The following PHACTR2 variants were observed in gnomAD, a reference collection of about 807,000 sequenced individuals.
PHACTR2 encodes chromosome 6 open reading frame 56.
A neutral mutation model predicts 76.0 loss-of-function variants in PHACTR2; 30 were observed. The ratio of observed to expected loss-of-function variants is 0.39; its 90% CI spans 0.30 to 0.54. The LOEUF is 0.54. Among genes scored for constraint, PHACTR2 ranks in the 20% least tolerant of loss-of-function variants. The pLI is 0.61. For missense variants in PHACTR2, 696 were observed against 781.1 expected, an observed-to-expected ratio of 0.89 and a Z score of 1.30; for synonymous variants, 292 against 292.5, an observed-to-expected ratio of 1.00 and a Z score of 0.02.
At chr6:143,540,502 C>A (rs2128426247) in intron 1 of PHACTR2, among the ~76,000 whole-genome samples, 1 of 152,208 alleles carries the variant, frequency 6.6e-6, no homozygotes, top group South Asian at 2.1e-4. Flanking sequence ...CAGTCTAATA[C>A]TAAATATATA....
chr6:143,545,382 G>A (rs78897443), intron 1 of PHACTR2, among the ~76,000 whole-genome samples: 3,486 of 152,316 alleles, frequency 0.023, 63 homozygotes, highest in Non-Finnish European at 0.036. Context: ...TGAGGCTAGT[G>A]GTGATGGAAC....
chr6:143,740,508 T>TGTAAAAA lies in PHACTR2; in HGVS notation c.215-8477_215-8476insGTAAAAA, dbSNP rs112665368. On this transcript the variant is annotated intron_variant, in intron 2 of 12. Coordinates refer to ENST00000440869, the MANE Select transcript of PHACTR2 (RefSeq NM_001100164.2). ...AACTATTACAAAACATCCTTTTAAT[T>TGTAAAAA]AAAAAAAAAAAAAAAGGAAAAAATA... 7.0e-4 allele frequency among the ~76,000 whole-genome samples: 90 copies of TGTAAAAA among 128,692 alleles called. 3 individuals carry two copies. The highest frequency in any genetic ancestry group is 1.6e-3 in the African/African-American group (54 of 34,162). 84.4% of individuals were successfully genotyped at this position (128,692 alleles called of 152,430 possible).
intron 6 of PHACTR2, among the ~76,000 whole-genome samples, chr6:143,766,473 A>G (rs1779566261): frequency 6.6e-6 from 1 of 152,264 alleles, no homozygotes; most frequent in African/African-American, 2.4e-5. Flanking sequence ...AAAGAAAATA[A>G]AAAAGGGATT....
Position 143,805,696 on chromosome 6 carries a change from T to G in PHACTR2, c.1846-1361T>G, listed in dbSNP as rs185649748. On this transcript the variant is annotated intron_variant, in intron 11 of 12. Coordinates refer to ENST00000440869, the MANE Select transcript of PHACTR2 (RefSeq NM_001100164.2). Reference sequence around the variant, plus strand: ...GCTCACACATATTTCTCTGCTTGCTTCTTCATTTCCAAAAGTCAGTAGCAA... The same window carrying G: ...GCTCACACATATTTCTCTGCTTGCTGCTTCATTTCCAAAAGTCAGTAGCAA... 4.6e-5 allele frequency among the ~76,000 whole-genome samples: 7 copies of G among 152,306 alleles called. No individual in the cohort carries two copies. The East Asian group carries it at 1.4e-3, about 29-fold the overall frequency.
rs574877850 is a variant in PHACTR2, at chr6:143,807,737, G to A, written c.1922+604G>A. On this transcript the variant is annotated intron_variant, in intron 12 of 12. Transcript: ENST00000440869. The surrounding 1 kb of genome is among the most constrained non-coding windows in gnomAD (Gnocchi z 5.5). The stretch of plus-strand genomic sequence containing the variant: ...TGGGAATCCTGATTTTACTGGTGAC[G>A]AAGGAGATCGCTATCATCTTACCAT... Among the ~76,000 whole-genome samples the A allele has an allele frequency of 1.3e-5, 2 of 152,300 alleles. No homozygotes were observed. The highest frequency in any genetic ancestry group is 2.4e-5 in the African/African-American group (1 of 41,564).
intron 1 of PHACTR2, among the ~76,000 whole-genome samples, chr6:143,660,959 G>A (rs562031010): frequency 6.6e-6 from 1 of 152,232 alleles, no homozygotes; most frequent in South Asian, 2.1e-4. Flanking sequence ...ATAGAAGATG[G>A]GAAGAAAAAT....
chr6:143,795,386 C>G lies in PHACTR2; in HGVS notation c.1845+6476C>G, dbSNP rs190320525. The stretch of plus-strand genomic sequence containing the variant: ...CTGTGATTGTGCCACTGCACTGCAG[C>G]CTGGGCAACAGAATGAGACCCTGTC... On this transcript the variant is annotated intron_variant, in intron 11 of 12. Coordinates refer to ENST00000440869, the MANE Select transcript of PHACTR2 (RefSeq NM_001100164.2). This position sits in a 1 kb window ranked among gnomAD's most constrained non-coding sequence, Gnocchi z 4.8. 1.3e-4 allele frequency among the ~76,000 whole-genome samples: 20 copies of G among 152,284 alleles called. No individual in the cohort carries two copies. Among genetic ancestry groups the G allele is most frequent in the Admixed American group, 5.2e-4 (8 of 15,290 alleles).
At position 143,809,821 on chromosome 6, in the gene PHACTR2, A is replaced by T. The variant is rs1776140319; in HGVS notation, c.1922+2688A>T. On this transcript the variant is annotated intron_variant, in intron 12 of 12. Transcript: ENST00000440869. This position sits in a 1 kb window ranked among gnomAD's most constrained non-coding sequence, Gnocchi z 4.2. The stretch of plus-strand genomic sequence containing the variant: ...AAGAAATCTTTCTATAATAATATAT[A>T]TCTCATTCAGCTGGATGCAGTGGCT... 6.6e-6 allele frequency among the ~76,000 whole-genome samples: 1 copy of T among 152,238 alleles called. No individual in the cohort carries two copies. Among genetic ancestry groups the T allele is most frequent in the South Asian group, 2.1e-4 (1 of 4,828 alleles).
intron 1 of PHACTR2, among the ~76,000 whole-genome samples, chr6:143,638,369 G>A (rs569754268): frequency 5.3e-5 from 8 of 151,988 alleles, no homozygotes; most frequent in Non-Finnish European, 7.4e-5. Flanking sequence ...GCAAGACCCC[G>A]TCTATACAAA....
chr6:143,771,453 T>C lies in PHACTR2; in HGVS notation c.1233-805T>C, dbSNP rs1406065755. Among the ~76,000 whole-genome samples, 5 of 151,260 alleles carry C rather than the reference T, an allele frequency of 3.3e-5. No individual in the cohort carries two copies. The South Asian group carries it at 1.0e-3, about 32-fold the overall frequency. ...TGTATTTATTTAATTTATTTATTTT[T>C]GAGACGGAGTTTTGCTCTTGTTGCC... On this transcript the variant is annotated intron_variant, in intron 6 of 12. Coordinates refer to ENST00000440869, the MANE Select transcript of PHACTR2 (RefSeq NM_001100164.2).
chr6:143,778,351 A>G (rs1369764226), intron 9 of PHACTR2, among the ~76,000 whole-genome samples: 2 of 152,168 alleles, frequency 1.3e-5, no homozygotes, highest in Non-Finnish European at 2.9e-5. Flanking sequence ...TTTTAGTAGC[A>G]TATTGTATTA....
intron 1 of PHACTR2, among the ~76,000 whole-genome samples, chr6:143,586,222 GGAGA>G (rs762912843): frequency 1.8e-4 from 27 of 152,118 alleles, no homozygotes; most frequent in African/African-American, 6.5e-4. Context: ...AGAGAGAGAA[GGAGA>G]GAGAGGGTTG....
chr6:143,669,573 A>T (rs148060063), intron 1 of PHACTR2, among the ~76,000 whole-genome samples: 1 of 152,190 alleles, frequency 6.6e-6, no homozygotes, highest in Non-Finnish European at 1.5e-5. Context: ...TTGTGCATAT[A>T]TATTTAGGAT....
At position 143,686,481 on chromosome 6, in the gene PHACTR2, CTTTTT is replaced by C. The variant is rs71024870; in HGVS notation, c.46+8292_46+8296del. On this transcript the variant is annotated intron_variant, in intron 1 of 12. Coordinates refer to ENST00000440869, the MANE Select transcript of PHACTR2 (RefSeq NM_001100164.2). ...ACACATAGAGGAGAGGAACTTCATT[CTTTTT>C]TTTTTTTTTTTTTTTTTTTGAGACA... Among the ~76,000 whole-genome samples the C allele has an allele frequency of 1.9e-3, 157 of 83,976 alleles. 1 individual carries two copies. Among genetic ancestry groups the C allele is most frequent in the African/African-American group, 6.6e-3 (144 of 21,698 alleles). 55.1% of individuals were successfully genotyped at this position (83,976 alleles called of 152,430 possible).
At position 143,662,249 on chromosome 6, in the gene PHACTR2, G is replaced by A. The variant is rs1000093766; in HGVS notation, c.14-49767G>A. Among the ~76,000 whole-genome samples, 1 of 152,098 alleles carries A rather than the reference G, an allele frequency of 6.6e-6. No homozygotes were observed. Among genetic ancestry groups the A allele is most frequent in the Non-Finnish European group, 1.5e-5 (1 of 68,026 alleles). On this transcript the variant is annotated intron_variant, in intron 1 of 11. Transcript: ENST00000305766. This position sits in a 1 kb window ranked among gnomAD's most constrained non-coding sequence, Gnocchi z 4.7. ...TTACCCTAGAGAGCTGTTTTACTTG[G>A]AGGCATTTCTTAGATTTAAGTTCTA... is the stretch of plus-strand genomic sequence containing the variant.
Position 143,623,667 on chromosome 6 carries a change from A to G in PHACTR2, c.13+15345A>G, listed in dbSNP as rs73005383. Among the ~76,000 whole-genome samples, 43,110 of 152,156 alleles carry G rather than the reference A, an allele frequency of 0.28. 7,296 individuals carry two copies. The highest frequency in any genetic ancestry group is 0.39 in the Non-Finnish European group (26,476 of 67,982). ...GAAAATCAGTTCATGGGAGTACAGC[A>G]TACAAAGTTGGTTTTATTTTTATAA... On this transcript the variant is annotated intron_variant, in intron 1 of 11. Coordinates refer to the PHACTR2 transcript ENST00000305766. This position sits in a 1 kb window ranked among gnomAD's most constrained non-coding sequence, Gnocchi z 5.9.
At position 143,791,633 on chromosome 6, in the gene PHACTR2, T is replaced by A. The variant is rs1293756301; in HGVS notation, c.1845+2723T>A. ...CAGATTTCTGTACCCTTAGTTATTT[T>A]TTTGTCAGTTTGATCCATCAGGTAA... On this transcript the variant is annotated intron_variant, in intron 11 of 12. Coordinates refer to ENST00000440869, the MANE Select transcript of PHACTR2 (RefSeq NM_001100164.2). The surrounding 1 kb of genome is among the most constrained non-coding windows in gnomAD (Gnocchi z 4.7). Among the ~76,000 whole-genome samples the A allele has an allele frequency of 2.6e-5, 4 of 152,218 alleles. No individual in the cohort carries two copies. Among genetic ancestry groups the A allele is most frequent in the Admixed American group, 2.6e-4 (4 of 15,280 alleles).
chr6:143,769,785 T>C (rs917795156), intron 6 of PHACTR2, among the ~76,000 whole-genome samples: 11 of 152,218 alleles, frequency 7.2e-5, no homozygotes, highest in African/African-American at 2.4e-4. Context: ...AATTGGCATG[T>C]ATTTTAAACA....
At position 143,602,962 on chromosome 6, in the gene PHACTR2, TG is replaced by T. The variant is rs1338616628; in HGVS notation, c.217+65757del. 3.9e-5 allele frequency among the ~76,000 whole-genome samples: 6 copies of T among 151,956 alleles called. No homozygotes were observed. The highest frequency in any genetic ancestry group is 3.9e-4 in the Admixed American group (6 of 15,262). ...GAGTTTGAGACCAGCCTGGCCAACA[TG>T]GCAAAACCCCGTCTCTACTAAAAAT... On this transcript the variant is annotated intron_variant, in intron 1 of 11. Coordinates refer to the PHACTR2 transcript ENST00000367584. This position sits in a 1 kb window ranked among gnomAD's most constrained non-coding sequence, Gnocchi z 6.1.
Sources: gnomAD v4.1 joint callset for allele counts (sites outside exome capture counted in the v4.1 genomes callset) on GRCh38, gnomAD v4.1.1 for gene constraint, Gnocchi (gnomAD v3.1) non-coding constraint, MANE v1.5 for transcripts, NCBI Gene and HGNC (gene_info 2026-07-23, HGNC 2026-07-21) for gene names.